The following ZFP90 variants were observed in gnomAD, a reference collection of about 807,000 sequenced individuals.
ZFP90 encodes the protein zinc finger protein 90 homolog.
A neutral mutation model predicts 60.8 loss-of-function variants in ZFP90; 38 were observed. The ratio of observed to expected loss-of-function variants is 0.62; its 90% confidence interval spans 0.48 to 0.82. ZFP90 has a LOEUF of 0.82. ZFP90 is among the 40% of genes least tolerant of loss of function. The probability of loss-of-function intolerance (pLI) is 0.00; values close to 1 mark genes in which losing one functional copy is unlikely to be tolerated. For missense variants in ZFP90, 711 were observed against 759.1 expected (o/e 0.94, Z 0.74); for synonymous variants, 287 against 264.8 (o/e 1.08, Z -0.82).
chr16:68,561,314 C>T (rs544409173), intron 4 of ZFP90, among the ~76,000 whole-genome samples: 1 of 152,326 alleles, frequency 6.6e-6, no homozygotes, highest in East Asian at 1.9e-4. Flanking sequence ...TATTATCCTT[C>T]TATTCCTGCT....
chr16:68,543,965 G>A (rs1380931053), intron 2 of ZFP90, among the ~76,000 whole-genome samples: 3 of 150,522 alleles, frequency 2.0e-5, no homozygotes, highest in Non-Finnish European at 4.4e-5. Flanking sequence ...CAATTCTCCT[G>A]CCTCAGCCTC....
chr16:68,540,551 A>C (rs2091023299), intron 2 of ZFP90, among the ~76,000 whole-genome samples: 2 of 152,184 alleles, frequency 1.3e-5, no homozygotes, highest in Non-Finnish European at 2.9e-5. Context: ...ATTGATTTAC[A>C]TATTGGTGAA....
chr16:68,547,448 G>A (rs971738369), intron 2 of ZFP90, among the ~76,000 whole-genome samples: 8 of 151,978 alleles, frequency 5.3e-5, no homozygotes, highest in Non-Finnish European at 1.2e-4. Flanking sequence ...TGGATTTTTA[G>A]GAGTTCTCTA....
intron 2 of ZFP90, among the ~76,000 whole-genome samples, chr16:68,540,935 A>G (rs1480492640): frequency 2.1e-5 from 3 of 142,860 alleles, no homozygotes; most frequent in African/African-American, 5.1e-5. Flanking sequence ...TTTTTGAAAC[A>G]GGGTCTCTTG....
downstream of ZFP90, among the ~76,000 whole-genome samples, chr16:68,568,840 G>T (rs760758076): frequency 2.0e-5 from 3 of 152,054 alleles, no homozygotes; most frequent in African/African-American, 7.2e-5. Flanking sequence ...CACCACACCC[G>T]ACTAATTTTT....
Position 68,554,630 on chromosome 16 carries a change from G to A in ZFP90, c.34-3368G>A, listed in dbSNP as rs75391494. 5.3e-5 allele frequency among the ~76,000 whole-genome samples: 8 copies of A among 152,264 alleles called. No individual in the cohort carries two copies. In the East Asian group the frequency reaches 1.5e-3, roughly 29 times the overall value. ...CTGGTTAGCACATTCTTCACCTTGA[G>A]TGCAGACTCTTTGGGAAAGCAGAAT... On this transcript the variant is annotated intron_variant, in intron 2 of 4. Transcript: ENST00000563169.
rs974838601 is a variant in ZFP90, at chr16:68,566,995, G to A, written c.*2297G>A. 2.0e-6 allele frequency: 2 copies of A among 985,496 alleles called. No individual in the cohort carries two copies. The highest frequency in any genetic ancestry group is 2.4e-6 in the Non-Finnish European group (2 of 829,970). 61.0% of individuals were successfully genotyped at this position (985,496 alleles called of 1,614,324 possible). A position where few individuals can be genotyped will look rare whatever the true frequency, so the allele number is the denominator to read the frequency against. On this transcript the variant is annotated 3_prime_UTR_variant, in exon 5 of 5. Transcript: ENST00000563169. ...GGAGGGAGCCCAGGACATATGTGTG[G>A]CTCATTGACCAGAAGGCTTTCTTAG...
At chr16:68,551,880 T>G (rs1001659918) in intron 2 of ZFP90, among the ~76,000 whole-genome samples, 5 of 152,156 alleles carry the variant, frequency 3.3e-5, no homozygotes, top group Admixed American at 3.3e-4. Flanking sequence ...TGCCTCAGCC[T>G]CCTCAGTATC....
At position 68,551,415 on chromosome 16, in the gene ZFP90, C is replaced by CTTTTTTTTTTTTT. The variant is rs10538200; in HGVS notation, c.34-6572_34-6560dup. On this transcript the variant is annotated intron_variant, in intron 2 of 4. Coordinates refer to ENST00000563169, the MANE Select transcript of ZFP90 (RefSeq NM_001305203.2). ...GCATAAGGAAAGGGAACATGTGATC[C>CTTTTTTTTTTTTT]TTTTTTTTTTTTTTTTTTTTTTTGG... Among the ~76,000 whole-genome samples, 2 of 123,024 alleles carry CTTTTTTTTTTTTT rather than the reference C, an allele frequency of 1.6e-5. 1 individual carries two copies. 80.7% of individuals were successfully genotyped at this position (123,024 alleles called of 152,430 possible).
In ZFP90 at chr16:68,558,110, A is replaced by G; in HGVS notation, c.146A>G (p.His49Arg). ...YRDVMLENYS[H>R]LVSLGYQVSK... ...GATGTGATGCTGGAGAACTATAGCC[A>G]CCTGGTTTCTCTTGGTAAGGACCAC... The change falls in exon 3 of 5, where the codon CAC (histidine) becomes CGC (arginine). Residue 49 changes from histidine (H) to arginine (R), a missense_variant. Physicochemically the swap from His to Arg is conservative, Grantham distance 29. Around this residue, in one of 5 missense-constraint regions of ZFP90, gnomAD observed 241 missense variants for 247.6 expected, o/e 0.97. Coordinates refer to ENST00000563169, the MANE Select transcript of ZFP90 (RefSeq NM_001305203.2). The G allele has an allele frequency of 6.2e-7, 1 of 1,613,708 alleles. No individual in the cohort carries two copies. The highest frequency in any genetic ancestry group is 8.5e-7 in the Non-Finnish European group (1 of 1,179,852).
At chr16:68,545,474 A>T (rs1209146017) in intron 2 of ZFP90, among the ~76,000 whole-genome samples, 1 of 152,218 alleles carries the variant, frequency 6.6e-6, no homozygotes, top group Non-Finnish European at 1.5e-5. Flanking sequence ...AACAGTTTTT[A>T]AAAAATTTGT....
At chr16:68,548,666 T>C (rs1480646222) in intron 2 of ZFP90, among the ~76,000 whole-genome samples, 1 of 151,884 alleles carries the variant, frequency 6.6e-6, no homozygotes, top group Non-Finnish European at 1.5e-5. Flanking sequence ...AATTTTGTAT[T>C]TTTAGTAGAG....
chr16:68,572,378 T>TA (rs1165633905), intron 2 of ZFP90, among the ~76,000 whole-genome samples: 20 of 152,330 alleles, frequency 1.3e-4, no homozygotes, highest in African/African-American at 4.6e-4. Flanking sequence ...ATTCCAAAGT[T>TA]AGAGTTCTCA....
At chr16:68,544,915 A>T in intron 2 of ZFP90, among the ~76,000 whole-genome samples, 1 of 113,560 alleles carries the variant, frequency 8.8e-6, no homozygotes, top group African/African-American at 3.4e-5. Flanking sequence ...ATGGAGTCTC[A>T]TTCTGTTGCG....
chr16:68,548,462 C>T (rs11075684), intron 2 of ZFP90, among the ~76,000 whole-genome samples: 106,041 of 133,714 alleles, frequency 0.79, 40,898 homozygotes, highest in East Asian at 0.84. Flanking sequence ...TTTCACTGTT[C>T]TGTTTATCCT....
At chr16:68,553,915 A>G (rs2091300499) in intron 2 of ZFP90, among the ~76,000 whole-genome samples, 1 of 152,076 alleles carries the variant, frequency 6.6e-6, no homozygotes, top group Non-Finnish European at 1.5e-5. Flanking sequence ...GTGAGCCACC[A>G]TGCCCAGCAG....
At chr16:68,540,910 CCTTT>C (rs2091036633) in intron 2 of ZFP90, among the ~76,000 whole-genome samples, 1 of 101,656 alleles carries the variant, frequency 9.8e-6, no homozygotes, top group Non-Finnish European at 2.1e-5. Flanking sequence ...ATACATCATG[CCTTT>C]TTTTTTTTTT....
Position 68,566,430 on chromosome 16 carries a change from A to G in ZFP90, c.*1732A>G, listed in dbSNP as rs1434382622. On this transcript the variant is annotated 3_prime_UTR_variant, in exon 5 of 5. Coordinates refer to ENST00000563169, the MANE Select transcript of ZFP90 (RefSeq NM_001305203.2). ...TTTCCTACTGGATTCTTTGCATGCC[A>G]CATAGCAGGATTCATTGCCTTTCTC... The G allele has an allele frequency of 2.0e-6, 2 of 985,480 alleles. No individual in the cohort carries two copies. Among genetic ancestry groups the G allele is most frequent in the Admixed American group, 6.1e-5 (1 of 16,270 alleles). 61.0% of individuals were successfully genotyped at this position (985,480 alleles called of 1,614,324 possible). A position where few individuals can be genotyped will look rare whatever the true frequency, so the allele number is the denominator to read the frequency against.
chr16:68,575,636 G>C (rs369202909), intron 2 of ZFP90, among the ~76,000 whole-genome samples: 2 of 150,422 alleles, frequency 1.3e-5, no homozygotes, highest in African/African-American at 2.4e-5. Context: ...ATGTAAAATA[G>C]ATGAAGGTTA....
Sources: gnomAD v4.1 joint callset for allele counts (sites outside exome capture counted in the v4.1 genomes callset) on GRCh38, gnomAD v4.1.1 for gene constraint, gnomAD v4.1.1 regional missense constraint, MANE v1.5 for transcripts, NCBI Gene and HGNC (gene_info 2026-07-23, HGNC 2026-07-21) for gene names.